SSBP2: variants seen among roughly 807,000 people sequenced by gnomAD.
SSBP2 encodes the protein single stranded DNA binding protein 2.
SSBP2 carries 17 observed loss-of-function variants against 61.8 expected under a neutral mutation model. That is an observed-to-expected ratio of 0.28 (90% CI 0.19 to 0.41). SSBP2 has a LOEUF of 0.41. Among genes scored for constraint, SSBP2 ranks in the 10% least tolerant of loss-of-function variants. SSBP2 has a pLI of 1.00. For synonymous variants in SSBP2, 139 were observed against 141.3 expected (o/e 0.98, Z 0.12); for missense variants, 310 against 458.7 (o/e 0.68, Z 2.96).
intron 4 of SSBP2, among the ~76,000 whole-genome samples, chr5:81,544,473 G>C (rs767413872): frequency 2.0e-5 from 3 of 152,152 alleles, no homozygotes; most frequent in African/African-American, 7.2e-5. Context: ...GAGCAGGTGT[G>C]TCTCTTGAAC....
intron 3 of SSBP2, among the ~76,000 whole-genome samples, chr5:81,622,816 C>G (rs1273978091): frequency 6.6e-6 from 1 of 152,102 alleles, no homozygotes; most frequent in East Asian, 1.9e-4. Context: ...ATTCTGTAAG[C>G]CTTACAATGC....
At chr5:81,547,013 T>C (rs549662400) in intron 4 of SSBP2, among the ~76,000 whole-genome samples, 5 of 117,956 alleles carry the variant, frequency 4.2e-5, no homozygotes, top group Non-Finnish European at 6.5e-5. Flanking sequence ...TTTGGGTTTT[T>C]ATAGTAAAGG....
intron 4 of SSBP2, among the ~76,000 whole-genome samples, chr5:81,562,024 C>T (rs1000362334): frequency 6.6e-6 from 1 of 152,102 alleles, no homozygotes; most frequent in Admixed American, 6.6e-5. Flanking sequence ...CCTGTCTCAG[C>T]CTCCCAAGTA....
At chr5:81,505,853 T>C (rs1768141383) in intron 5 of SSBP2, among the ~76,000 whole-genome samples, 1 of 152,100 alleles carries the variant, frequency 6.6e-6, no homozygotes, top group South Asian at 2.1e-4. Flanking sequence ...AATACGCAGT[T>C]TGGCTAACAA....
chr5:81,488,179 C>T (rs932990389), intron 6 of SSBP2, among the ~76,000 whole-genome samples: 3 of 150,238 alleles, frequency 2.0e-5, no homozygotes, highest in Non-Finnish European at 3.0e-5. Flanking sequence ...CTGTAATGAA[C>T]ATGGGAATGC....
chr5:81,502,202 G>C (rs1415039110), intron 5 of SSBP2, among the ~76,000 whole-genome samples: 4 of 152,156 alleles, frequency 2.6e-5, no homozygotes, highest in African/African-American at 9.7e-5. Context: ...TGACTTCCTT[G>C]TTGTTAAATC....
In SSBP2 at chr5:81,588,232, C is replaced by A. The variant is rs922868541; in HGVS notation, c.282+27241G>T. On this transcript the variant is annotated intron_variant, in intron 4 of 16. Transcript: ENST00000320672. ...TGCTGGGATTACAGGCATGAGCCAC[C>A]ATGCCTGGCTGAAAGACAATTATTG... Among the ~76,000 whole-genome samples, 5 of 152,144 alleles carry A rather than the reference C, an allele frequency of 3.3e-5. 1 individual carries two copies. Among genetic ancestry groups the A allele is most frequent in the African/African-American group, 9.7e-5 (4 of 41,410 alleles).
chr5:81,591,952 G>A (rs1275032216), intron 4 of SSBP2, among the ~76,000 whole-genome samples: 11 of 152,234 alleles, frequency 7.2e-5, no homozygotes, highest in South Asian at 2.1e-4. Flanking sequence ...CTGAGGTACC[G>A]GGTTCATCTC....
In SSBP2 at chr5:81,749,677, G is replaced by GC. The variant is rs1336867088; in HGVS notation, c.62+1303_62+1304insG. Among the ~76,000 whole-genome samples the GC allele has an allele frequency of 2.2e-4, 28 of 127,338 alleles. No individual in the cohort carries two copies. In the East Asian group the frequency reaches 0.013, roughly 61 times the overall value. The allele number at this position is 127,338 out of a possible 152,430, so 83.5% of individuals were successfully genotyped here. A position where few individuals can be genotyped will look rare whatever the true frequency, so the allele number is the denominator to read the frequency against. On this transcript the variant is annotated intron_variant, in intron 1 of 16. Transcript: ENST00000320672. ...TCTGTTGCACAGTTTAAAAAAAAAA[G>GC]GGGGGGGTTCTTCCTCAGTGATCAC...
chr5:81,684,575 A>G (rs1752629825), intron 1 of SSBP2, among the ~76,000 whole-genome samples: 1 of 152,106 alleles, frequency 6.6e-6, no homozygotes, highest in Admixed American at 6.5e-5. Flanking sequence ...AAAGGAGGTT[A>G]TTTGGGAGCT....
chr5:81,737,463 T>A (rs1331660268), intron 1 of SSBP2, among the ~76,000 whole-genome samples: 2 of 152,018 alleles, frequency 1.3e-5, no homozygotes, highest in African/African-American at 4.8e-5. Context: ...CTGTCCTCCC[T>A]AAGTCACAGA....
chr5:81,676,931 A>G (rs1188245990), intron 1 of SSBP2, among the ~76,000 whole-genome samples: 1 of 152,164 alleles, frequency 6.6e-6, no homozygotes, highest in East Asian at 1.9e-4. Context: ...AAGGAAAAGA[A>G]GGAAGCCTGG....
chr5:81,747,031 G>T (rs555437761), intron 1 of SSBP2, among the ~76,000 whole-genome samples: 5 of 136,698 alleles, frequency 3.7e-5, no homozygotes, highest in Admixed American at 7.4e-5. Flanking sequence ...CTGGGGGGGG[G>T]GGGAATCTGA....
chr5:81,672,660 C>T (rs1751669447), intron 1 of SSBP2, among the ~76,000 whole-genome samples: 1 of 151,906 alleles, frequency 6.6e-6, no homozygotes, highest in Non-Finnish European at 1.5e-5. Flanking sequence ...CAACCTCCAC[C>T]TCCCAGGTAC....
chr5:81,679,409 A>T, intron 1 of SSBP2, among the ~76,000 whole-genome samples: 1 of 152,210 alleles, frequency 6.6e-6, no homozygotes, highest in East Asian at 1.9e-4. Context: ...CCTTATATGT[A>T]AGTAAAATGA....
At chr5:81,427,420 G>A (rs1762022832) in intron 16 of SSBP2, among the ~76,000 whole-genome samples, 1 of 151,964 alleles carries the variant, frequency 6.6e-6, no homozygotes, top group South Asian at 2.1e-4. Flanking sequence ...AATTTTAACA[G>A]AAACGAACTC....
chr5:81,579,745 G>T (rs559826836), intron 4 of SSBP2, among the ~76,000 whole-genome samples: 1 of 152,058 alleles, frequency 6.6e-6, no homozygotes, highest in Admixed American at 6.5e-5. Context: ...AATAGGAAAT[G>T]GAAGCTGTCA....
At chr5:81,486,675 A>G (rs1766406629) in intron 6 of SSBP2, among the ~76,000 whole-genome samples, 1 of 152,200 alleles carries the variant, frequency 6.6e-6, no homozygotes, top group Admixed American at 6.5e-5. Context: ...CTGACTGTCA[A>G]TATATACAGG....
At chr5:81,660,319 G>GA (rs1490351093) in intron 1 of SSBP2, among the ~76,000 whole-genome samples, 1 of 151,910 alleles carries the variant, frequency 6.6e-6, no homozygotes, top group Non-Finnish European at 1.5e-5. Flanking sequence ...AAATGCACAA[G>GA]AAAAAAACGA....
Sources: gnomAD v4.1 joint callset for allele counts (sites outside exome capture counted in the v4.1 genomes callset) on GRCh38, gnomAD v4.1.1 for gene constraint, MANE v1.5 for transcripts, NCBI Gene and HGNC (gene_info 2026-07-23, HGNC 2026-07-21) for gene names.